The following VWA8 variants were observed in gnomAD, a reference collection of about 807,000 sequenced individuals.
The protein encoded by VWA8 is von Willebrand factor A domain-containing protein 8.
VWA8 carries 221 observed loss-of-function variants against 241.5 expected under a neutral mutation model. The observed-to-expected ratio is 0.91, with a 90% confidence interval of 0.82 to 1.02. The LOEUF is 1.02. Ranked by LOEUF, VWA8 falls within the 50% of genes least tolerant of loss-of-function variation. The pLI is 0.00. For missense variants in VWA8, 2,322 were observed against 2,328.7 expected (o/e 1.00, Z 0.06); for synonymous variants, 852 against 827.1 (o/e 1.03, Z -0.52).
At position 41,907,623 on chromosome 13, in the gene VWA8, C is replaced by G; in HGVS notation, c.446G>C (p.Arg149Pro). 6.2e-7 allele frequency: 1 copy of G among 1,614,132 alleles called. No homozygotes were observed. Among genetic ancestry groups the G allele is most frequent in the African/African-American group, 1.3e-5 (1 of 75,038 alleles). The change falls in exon 4 of 45, where the codon CGA becomes CCA. Residue 149 changes from arginine (R) to proline (P), a missense_variant. Coordinates refer to ENST00000379310, the MANE Select transcript of VWA8 (RefSeq NM_015058.2). Reference protein sequence around the residue: ...DTTETDLKQRREIRAGTAFYI... With the variant: ...DTTETDLKQRPEIRAGTAFYI... ...AAAGGCTGTGCCTGCACGGATCTCT[C>G]GTCGCTGTTTGAGATCAGTTTCAGT... is the stretch of plus-strand genomic sequence containing the variant.
chr13:41,939,326 A>G (rs1877490959), intron 2 of VWA8, among the ~76,000 whole-genome samples: 1 of 152,132 alleles, frequency 6.6e-6, no homozygotes, highest in Non-Finnish European at 1.5e-5. Flanking sequence ...CTTTTTGAAA[A>G]CTGCCAAATT....
intron 21 of VWA8, among the ~76,000 whole-genome samples, chr13:41,745,188 G>A (rs977319363): frequency 4.0e-5 from 6 of 151,630 alleles, no homozygotes; most frequent in East Asian, 1.9e-4. Context: ...TGTGCACAAT[G>A]TGCAGGTTTG....
chr13:41,907,786 A>G lies in VWA8; in HGVS notation c.373-90T>C. 3 of 1,093,056 alleles carry G rather than the reference A, an allele frequency of 2.7e-6. No homozygotes were observed. The South Asian group carries it at 4.0e-5, about 15-fold the overall frequency. 67.7% of individuals were successfully genotyped at this position (1,093,056 alleles called of 1,614,324 possible). ...TAGTTATCTGACAATGCCATTGCCC[A>G]TGAGAAGTGCATTGTTAAACCTAAT... On this transcript the variant is annotated intron_variant, in intron 3 of 44. Transcript: ENST00000379310.
intron 12 of VWA8, among the ~76,000 whole-genome samples, chr13:41,847,602 A>G (rs1020388501): frequency 3.9e-5 from 6 of 152,182 alleles, no homozygotes; most frequent in Non-Finnish European, 8.8e-5. Context: ...TGCTGGTTAT[A>G]ATTGAAAAAT....
chr13:41,841,858 TAA>T lies in VWA8; in HGVS notation c.1426-8329_1426-8328del, dbSNP rs1290177603. Among the ~76,000 whole-genome samples the T allele has an allele frequency of 9.0e-3, 590 of 65,546 alleles. 34 individuals carry two copies. Among genetic ancestry groups the T allele is most frequent in the African/African-American group, 0.03 (370 of 12,426 alleles). The allele number at this position is 65,546 out of a possible 152,430, so 43.0% of individuals were successfully genotyped here. A position where few individuals can be genotyped will look rare whatever the true frequency, so the allele number is the denominator to read the frequency against. ...ATATATATATATATATATATATATA[TAA>T]AAACAGTAGACATTTAATATTTTTT... On this transcript the variant is annotated intron_variant, in intron 12 of 44. Transcript: ENST00000379310.
intron 37 of VWA8, among the ~76,000 whole-genome samples, chr13:41,668,985 T>TA (rs71200192): frequency 6.6e-6 from 1 of 152,182 alleles, no homozygotes; most frequent in East Asian, 1.9e-4. Context: ...TATTTTTTTT[T>TA]AGAGACAGGG....
At chr13:41,759,074 A>C (rs1042066551) in intron 21 of VWA8, among the ~76,000 whole-genome samples, 1 of 151,610 alleles carries the variant, frequency 6.6e-6, no homozygotes, top group Non-Finnish European at 1.5e-5. Flanking sequence ...ATTTGTTAAA[A>C]ATTTTTGCAT....
intron 21 of VWA8, among the ~76,000 whole-genome samples, chr13:41,742,991 T>C (rs1200253777): frequency 1.3e-5 from 2 of 152,220 alleles, no homozygotes; most frequent in Non-Finnish European, 2.9e-5. Flanking sequence ...ATTTTGAAGA[T>C]AAAGTATGAG....
At chr13:41,844,830 A>G (rs986651890) in intron 12 of VWA8, among the ~76,000 whole-genome samples, 4 of 152,142 alleles carry the variant, frequency 2.6e-5, no homozygotes, top group Non-Finnish European at 5.9e-5. Flanking sequence ...ACCTAGGAAT[A>G]CATGTAAAAA....
At chr13:41,583,900 A>G (rs537346324) in intron 42 of VWA8, among the ~76,000 whole-genome samples, 2 of 152,266 alleles carry the variant, frequency 1.3e-5, no homozygotes, top group Non-Finnish European at 1.5e-5. Flanking sequence ...ATTATAAGAC[A>G]GTATGGGATT....
intron 32 of VWA8, among the ~76,000 whole-genome samples, chr13:41,690,782 C>A (rs746534887): frequency 4.6e-5 from 7 of 152,120 alleles, no homozygotes; most frequent in Non-Finnish European, 8.8e-5. Flanking sequence ...CTGCACTTAG[C>A]TAGTGGAGTT....
chr13:41,901,881 A>T (rs1294248104), intron 4 of VWA8, among the ~76,000 whole-genome samples: 1,204 of 94,416 alleles, frequency 0.013, 11 homozygotes, highest in Non-Finnish European at 0.021. Flanking sequence ...AAAAAAAAAA[A>T]AAAAAAAAAT....
intron 37 of VWA8, among the ~76,000 whole-genome samples, chr13:41,653,691 C>A (rs372358880): frequency 6.6e-5 from 10 of 152,150 alleles, no homozygotes; most frequent in African/African-American, 2.4e-4. Flanking sequence ...CAAAACAGCA[C>A]CATACTGGTA....
intron 20 of VWA8, 71 bp downstream of exon 20, chr13:41,777,914 G>A (rs1868681440): frequency 7.5e-7 from 1 of 1,331,684 alleles, no homozygotes; most frequent in Non-Finnish European, 1.0e-6. Context: ...ATTCCAACAA[G>A]AAGAAACTTA....
rs1298418052 is a variant in VWA8, at chr13:41,949,927, A to G, written c.241+9T>C. On this transcript the variant is annotated intron_variant, in intron 2 of 44. Coordinates refer to ENST00000379310, the MANE Select transcript of VWA8 (RefSeq NM_015058.2). Reference sequence around the variant, plus strand: ...GTTATTCATTCATATATTAATAAATATTTCTTACTGTAGTTCTGTGGCACA... The same window carrying G: ...GTTATTCATTCATATATTAATAAATGTTTCTTACTGTAGTTCTGTGGCACA... 1 of 1,510,702 alleles carries G rather than the reference A, an allele frequency of 6.6e-7. No individual in the cohort carries two copies. The allele number at this position is 1,510,702 out of a possible 1,614,324, so 93.6% of individuals were successfully genotyped here.
chr13:41,655,792 A>G (rs1041245963), intron 37 of VWA8, among the ~76,000 whole-genome samples: 1 of 152,258 alleles, frequency 6.6e-6, no homozygotes, highest in African/African-American at 2.4e-5. Flanking sequence ...GCCATATTAT[A>G]TAAATAAGTA....
chr13:41,603,476 A>G (rs2044534805), intron 40 of VWA8, among the ~76,000 whole-genome samples: 2 of 152,178 alleles, frequency 1.3e-5, no homozygotes, highest in African/African-American at 4.8e-5. Context: ...AGTCCTCAAC[A>G]AATACCAATT....
chr13:41,569,664 AG>A (rs201531587), intron 44 of VWA8, among the ~76,000 whole-genome samples: 11 of 148,240 alleles, frequency 7.4e-5, no homozygotes, highest in Non-Finnish European at 7.5e-5. Context: ...TTTTTTTTTA[AG>A]ATTACTTTCA....
intron 4 of VWA8, among the ~76,000 whole-genome samples, chr13:41,895,475 T>C (rs1875055053): frequency 6.6e-6 from 1 of 152,080 alleles, no homozygotes; most frequent in African/African-American, 2.4e-5. Context: ...ACACAAAACA[T>C]CTCTACACAC....
Sources: allele counts gnomAD v4.1 joint callset (sites outside exome capture counted in the v4.1 genomes callset), GRCh38; gene constraint gnomAD v4.1.1; transcripts MANE v1.5; gene names NCBI Gene and HGNC (gene_info 2026-07-23, HGNC 2026-07-21).